Variants in INTS7 observed in about 807,000 individuals in gnomAD.
INTS7 encodes integrator complex subunit 7, also known as chromosome 1 open reading frame 73.
In INTS7, 46 loss-of-function variants were observed where a neutral mutation model predicts 109.2. That is an observed-to-expected ratio of 0.42 (90% confidence interval 0.33 to 0.54). The LOEUF is 0.54. Among genes scored for constraint, INTS7 ranks in the 20% least tolerant of loss-of-function variants. INTS7 has a pLI of 0.07. For synonymous variants in INTS7, 412 were observed against 402.9 expected (o/e 1.02, Z -0.27); for missense variants, 929 against 1,132.4 (o/e 0.82, Z 2.58).
At position 211,982,958 on chromosome 1, in the gene INTS7, A is replaced by C. The variant is rs115079533; in HGVS notation, c.998-148T>G. The C allele has an allele frequency of 1.2e-3, 698 of 563,986 alleles. 6 individuals carry two copies. Among genetic ancestry groups the C allele is most frequent in the African/African-American group, 0.012 (629 of 52,608 alleles). The allele number at this position is 563,986 out of a possible 1,614,324, so 34.9% of individuals were successfully genotyped here. ...CCTACCACAATCCCACTATCAATAC[A>C]TATCAGCATTTCTCTCCATTAAGGT... On this transcript the variant is annotated intron_variant, in intron 8 of 19. Transcript: ENST00000366994.
At chr1:211,967,741 AT>A in intron 15 of INTS7, 136 bp downstream of exon 15, 1 of 570,432 alleles carries the variant, frequency 1.8e-6, no homozygotes. Context: ...CTGCTTATAT[AT>A]TTTAAAGGGG....
rs567082968 is a variant in INTS7 at position 211,965,171 on chromosome 1, G to A, written c.2183+1259C>T. Among the ~76,000 whole-genome samples the A allele has an allele frequency of 2.0e-5, 3 of 150,626 alleles. No homozygotes were observed. The East Asian group carries it at 5.8e-4, about 29-fold the overall frequency. On this transcript the variant is annotated intron_variant, in intron 16 of 19. Transcript: ENST00000366994. ...GAACACTTTTCAAAGACATACACAT[G>A]GCCAACAAGCACATAAAAAAAAAAA...
Position 211,944,907 on chromosome 1 carries a change from C to A in INTS7, c.2478G>T (p.Gln826His). The stretch of plus-strand genomic sequence containing the variant: ...CCACTCCCTCTACCTTTAGCGCCAG[C>A]TGCTGGTTATTCTGGACAGCAATGG... ...AEPIAVQNNQQLALKVEGVVQ... is the reference protein window; with the variant it reads ...AEPIAVQNNQHLALKVEGVVQ... The change falls in exon 19 of 20, where the codon CAG becomes CAT. Residue 826 changes from glutamine (Q) to histidine (H), a missense_variant. Coordinates refer to ENST00000366994, the MANE Select transcript of INTS7 (RefSeq NM_015434.4). The A allele has an allele frequency of 6.2e-7, 1 of 1,614,208 alleles. No homozygotes were observed. Among genetic ancestry groups the A allele is most frequent in the African/African-American group, 1.3e-5 (1 of 75,064 alleles).
intron 19 of INTS7, among the ~76,000 whole-genome samples, chr1:211,943,983 T>C (rs1421810333): frequency 6.6e-6 from 1 of 152,218 alleles, no homozygotes; most frequent in Non-Finnish European, 1.5e-5. Context: ...TGGGCACAGA[T>C]TCAGCATCTT....
At chr1:211,981,266 ACT>A in intron 9 of INTS7, 76 bp from the exon 10 acceptor site, 2 of 841,414 alleles carry the variant, frequency 2.4e-6, no homozygotes, top group Non-Finnish European at 3.9e-6. Context: ...ATGCATACAC[ACT>A]CTCTTAGAAA....
intron 1 of INTS7, among the ~76,000 whole-genome samples, chr1:212,033,554 T>A (rs959791833): frequency 9.8e-5 from 15 of 152,344 alleles, no homozygotes; most frequent in African/African-American, 2.9e-4. Flanking sequence ...GTGGTTTTTT[T>A]CTTACAACTG....
At chr1:211,954,406 C>A (rs374326260) in intron 16 of INTS7, among the ~76,000 whole-genome samples, 2 of 152,088 alleles carry the variant, frequency 1.3e-5, no homozygotes, top group Non-Finnish European at 2.9e-5. Flanking sequence ...TTTAATTAGA[C>A]CCCATTTGTG....
chr1:211,946,911 T>C lies in INTS7; in HGVS notation c.2317-206A>G, dbSNP rs748310035. Among the ~76,000 whole-genome samples, 3 of 152,096 alleles carry C rather than the reference T, an allele frequency of 2.0e-5. No individual in the cohort carries two copies. The highest frequency in any genetic ancestry group is 4.4e-5 in the Non-Finnish European group (3 of 68,006). ...TTACTTTATTGTGAAGTATATTCAA[T>C]AAAATATAAGTGACAGAAATGAGAA... On this transcript the variant is annotated intron_variant, in intron 17 of 19. Coordinates refer to ENST00000366994, the MANE Select transcript of INTS7 (RefSeq NM_015434.4). The surrounding 1 kb of genome is among the most constrained non-coding windows in gnomAD (Gnocchi z 4.3).
At chr1:211,958,008 T>C (rs889157813) in intron 16 of INTS7, among the ~76,000 whole-genome samples, 3 of 152,078 alleles carry the variant, frequency 2.0e-5, no homozygotes, top group African/African-American at 7.2e-5. Context: ...ATTTTACTTC[T>C]ATATGTTAAA....
intron 17 of INTS7, 32 bp downstream of exon 17, chr1:211,952,537 A>C (rs571166310): frequency 2.5e-6 from 4 of 1,605,744 alleles, no homozygotes; most frequent in East Asian, 2.2e-5. Flanking sequence ...ACATCCATAC[A>C]ATAAAAGCTC....
chr1:211,972,360 T>C (rs1231820693), intron 13 of INTS7, among the ~76,000 whole-genome samples: 2 of 152,154 alleles, frequency 1.3e-5, no homozygotes, highest in Admixed American at 6.5e-5. Context: ...ATATCACTAG[T>C]TTGAAAACCT....
intron 8 of INTS7, 125 bp from the exon 9 acceptor site, chr1:211,982,935 T>C: frequency 3.1e-6 from 2 of 651,780 alleles, no homozygotes; most frequent in Non-Finnish European, 5.1e-6. Context: ...CAAAATTTCC[T>C]ACCACAATCC....
chr1:212,007,978 G>A (rs1458899662), intron 5 of INTS7, among the ~76,000 whole-genome samples: 1 of 152,068 alleles, frequency 6.6e-6, no homozygotes, highest in Admixed American at 6.6e-5. Flanking sequence ...CCTAATCCAC[G>A]TTTTCCTGTC....
chr1:211,958,068 A>C (rs1663448351), intron 16 of INTS7, among the ~76,000 whole-genome samples: 2 of 95,210 alleles, frequency 2.1e-5, no homozygotes. Context: ...CTTTTTAAAA[A>C]TTAAAAAAAA....
At chr1:212,035,274 GCAA>G in intron 1 of INTS7, 67 bp downstream of exon 1, 2 of 1,064,760 alleles carry the variant, frequency 1.9e-6, no homozygotes, top group South Asian at 1.3e-5. Context: ...TTCTCCCAAA[GCAA>G]CCACCACCTG....
chr1:211,945,039 C>G (rs1662792436), intron 18 of INTS7, 70 bp from the exon 19 acceptor site: 1 of 1,453,968 alleles, frequency 6.9e-7, no homozygotes, highest in Admixed American at 1.7e-5. Flanking sequence ...CATGTCTGTG[C>G]TAATCACTGG....
intron 8 of INTS7, among the ~76,000 whole-genome samples, chr1:211,987,115 GGTGAAACTCCATCTC>G (rs1664925734): frequency 6.6e-6 from 1 of 152,126 alleles, no homozygotes; most frequent in Non-Finnish European, 1.5e-5. Flanking sequence ...TGGGCTGAAT[GGTGAAACTCCATCTC>G]TACTAAAAAT....
chr1:212,020,452 T>TATG (rs1449264371), intron 2 of INTS7, among the ~76,000 whole-genome samples, 184 bp from the exon 3 acceptor site: 3 of 152,196 alleles, frequency 2.0e-5, no homozygotes, highest in East Asian at 3.8e-4. Flanking sequence ...AGCAGTGAGC[T>TATG]ATGCTACAGT....
intron 10 of INTS7, among the ~76,000 whole-genome samples, chr1:211,980,780 T>C (rs1441440153): frequency 6.6e-6 from 1 of 152,162 alleles, no homozygotes; most frequent in Non-Finnish European, 1.5e-5. Context: ...TCTAAGATGA[T>C]TTCTGTAACT....
Sources: allele counts gnomAD v4.1 joint callset (sites outside exome capture counted in the v4.1 genomes callset), GRCh38; gene constraint gnomAD v4.1.1; non-coding constraint Gnocchi (gnomAD v3.1); transcripts MANE v1.5; gene names NCBI Gene and HGNC (gene_info 2026-07-23, HGNC 2026-07-21).